The following STARD13 variants were observed in gnomAD, a reference collection of about 807,000 sequenced individuals.
STARD13 encodes the protein stAR-related lipid transfer protein 13.
A neutral mutation model predicts 106.4 loss-of-function variants in STARD13; 62 were observed. The observed-to-expected ratio is 0.58, with a 90% CI of 0.48 to 0.72. STARD13 has a LOEUF of 0.72. STARD13 is among the 30% of genes least tolerant of loss of function. The pLI is 0.00. For synonymous variants in STARD13, 565 were observed against 553.0 expected, an observed-to-expected ratio of 1.02 and a Z score of -0.31; for missense variants, 1,387 against 1,424.0, an observed-to-expected ratio of 0.97 and a Z score of 0.42.
At chr13:33,192,475 T>C (rs926756563) in intron 1 of STARD13, among the ~76,000 whole-genome samples, 8 of 152,270 alleles carry the variant, frequency 5.3e-5, no homozygotes, top group African/African-American at 1.9e-4. Flanking sequence ...AATTCTCATA[T>C]GCATATGCCA....
chr13:33,177,937 AAGGAAGGAAGGAAGGAAAGG>A (rs1884813134), intron 1 of STARD13, among the ~76,000 whole-genome samples: 3 of 10,344 alleles, frequency 2.9e-4, no homozygotes, highest in Non-Finnish European at 4.9e-4. Context: ...GGAAGGAAGG[AAGGAAGGAAGGAAGGAAAGG>A]AAGGAAGGAA....
At chr13:33,407,958 T>C in the STARD13 span, among the ~76,000 whole-genome samples, 1 of 152,156 alleles carries the variant, frequency 6.6e-6, no homozygotes, top group Non-Finnish European at 1.5e-5. Context: ...GTAATTTGCA[T>C]TTACTAATCT....
chr13:33,433,905 G>A, the STARD13 span, among the ~76,000 whole-genome samples: 8 of 152,222 alleles, frequency 5.3e-5, no homozygotes, highest in Admixed American at 4.6e-4. Flanking sequence ...TGCATTCCTT[G>A]TAATGAGTCA....
At chr13:33,156,433 T>C (rs1275554954) in intron 3 of STARD13, among the ~76,000 whole-genome samples, 1 of 152,184 alleles carries the variant, frequency 6.6e-6, no homozygotes, top group African/African-American at 2.4e-5. Context: ...ATGGCTCCAC[T>C]GGCAACACTA....
the STARD13 span, among the ~76,000 whole-genome samples, chr13:33,608,326 A>T: frequency 7.8e-4 from 119 of 152,352 alleles, no homozygotes; most frequent in African/African-American, 2.9e-3. Flanking sequence ...AATACATTTA[A>T]TATAATTGCA....
chr13:33,262,694 G>A (rs1004813581), intron 1 of STARD13, among the ~76,000 whole-genome samples: 1 of 105,280 alleles, frequency 9.5e-6, no homozygotes, highest in Non-Finnish European at 1.8e-5. Context: ...CACACACCCT[G>A]TACTCTAGTT....
At chr13:33,241,418 T>C (rs1335348610) in intron 1 of STARD13, among the ~76,000 whole-genome samples, 1 of 152,234 alleles carries the variant, frequency 6.6e-6, no homozygotes, top group Non-Finnish European at 1.5e-5. Context: ...TTTTTATTAA[T>C]GTTAAACTAC....
At chr13:33,589,394 G>A in the STARD13 span, among the ~76,000 whole-genome samples, 2 of 152,086 alleles carry the variant, frequency 1.3e-5, no homozygotes, top group African/African-American at 4.8e-5. Context: ...TGATGTTAGG[G>A]TGTCAATTTT....
chr13:33,124,751 T>G (rs770271), intron 7 of STARD13, among the ~76,000 whole-genome samples: 97,516 of 152,036 alleles, frequency 0.64, 31,946 homozygotes, highest in Non-Finnish European at 0.71. Context: ...AGTAACGAGA[T>G]TCATTGGCTG....
chr13:33,384,968 T>C, the STARD13 span, among the ~76,000 whole-genome samples: 5 of 151,804 alleles, frequency 3.3e-5, no homozygotes, highest in African/African-American at 1.2e-4. Context: ...TCCTGAATCA[T>C]GTCTGGGTTG....
At chr13:33,275,365 T>A (rs901185420) in intron 1 of STARD13, among the ~76,000 whole-genome samples, 6 of 152,346 alleles carry the variant, frequency 3.9e-5, no homozygotes, top group Admixed American at 2.0e-4. Flanking sequence ...TGTACATGGA[T>A]GTTTAATAAT....
chr13:33,253,764 C>T (rs779849839), intron 1 of STARD13, among the ~76,000 whole-genome samples: 3 of 152,022 alleles, frequency 2.0e-5, no homozygotes, highest in African/African-American at 7.3e-5. Context: ...GATTTATAAG[C>T]GTATCATCAA....
chr13:33,277,300 C>A (rs758714351), intron 1 of STARD13: 6 of 152,080 alleles, frequency 3.9e-5, no homozygotes, highest in Admixed American at 6.6e-5. Context: ...TCTTTGCCAG[C>A]AGGAGGAAAA....
At chr13:33,532,201 G>C in the STARD13 span, among the ~76,000 whole-genome samples, 1 of 152,072 alleles carries the variant, frequency 6.6e-6, no homozygotes, top group African/African-American at 2.4e-5. Context: ...AGTTTTTCTG[G>C]ACACAAAGTG....
intron 1 of STARD13, among the ~76,000 whole-genome samples, chr13:33,266,005 A>G (rs1295051355): frequency 2.6e-5 from 4 of 152,294 alleles, no homozygotes; most frequent in Non-Finnish European, 4.4e-5. Flanking sequence ...TGTATTTATA[A>G]TTTCTTTATC....
intron 1 of STARD13, among the ~76,000 whole-genome samples, chr13:33,317,543 C>T (rs181896077): frequency 1.2e-4 from 19 of 152,250 alleles, no homozygotes; most frequent in Admixed American, 1.2e-3. Flanking sequence ...ACACTCATCC[C>T]CCTGATCTAA....
the STARD13 span, among the ~76,000 whole-genome samples, chr13:33,395,948 C>G: frequency 2.0e-5 from 3 of 152,100 alleles, no homozygotes; most frequent in Non-Finnish European, 2.9e-5. Flanking sequence ...CTCAAGTGAT[C>G]CTCCTGCCTC....
chr13:33,373,136 C>G, the STARD13 span, among the ~76,000 whole-genome samples: 1 of 152,124 alleles, frequency 6.6e-6, no homozygotes, highest in Non-Finnish European at 1.5e-5. Flanking sequence ...TTGCCATATG[C>G]TAGCAAGTAA....
At chr13:33,154,406 T>C (rs1002340730) in intron 3 of STARD13, among the ~76,000 whole-genome samples, 9 of 152,212 alleles carry the variant, frequency 5.9e-5, no homozygotes, top group African/African-American at 2.2e-4. Context: ...CAGTTAAACA[T>C]TGAGGGCTCT....
Sources: gnomAD v4.1 joint callset for allele counts (sites outside exome capture counted in the v4.1 genomes callset) on GRCh38, gnomAD v4.1.1 for gene constraint, MANE v1.5 for transcripts, NCBI Gene and HGNC (gene_info 2026-07-23, HGNC 2026-07-21) for gene names.